Variants in AP3B1 observed in about 807,000 individuals in gnomAD.
AP3B1 encodes the protein AP-3 complex subunit beta-1.
In AP3B1, 61 loss-of-function variants were observed where a neutral mutation model predicts 132.5. The ratio of observed to expected loss-of-function variants is 0.46; its 90% CI spans 0.37 to 0.57. The LOEUF is 0.57. Ranked by LOEUF, AP3B1 falls within the 20% of genes least tolerant of loss-of-function variation. The probability of loss-of-function intolerance (pLI) is 0.00; values close to 1 mark genes in which losing one functional copy is unlikely to be tolerated. For synonymous variants in AP3B1, 388 were observed against 438.3 expected (o/e 0.89, Z 1.43); for missense variants, 1,120 against 1,289.4 (o/e 0.87, Z 2.01).
intron 1 of AP3B1, among the ~76,000 whole-genome samples, chr5:78,291,060 G>A (rs28535505): frequency 0.22 from 33,773 of 152,014 alleles, 4,467 homozygotes; most frequent in Middle Eastern, 0.3. Flanking sequence ...AATAAATTAG[G>A]TATAGGATCT....
At chr5:78,136,913 A>T (rs934750323) in intron 15 of AP3B1, among the ~76,000 whole-genome samples, 3 of 152,194 alleles carry the variant, frequency 2.0e-5, no homozygotes, top group African/African-American at 7.2e-5. Flanking sequence ...TTTACAGATG[A>T]GAAAATGAAA....
In AP3B1 at chr5:78,230,372, T is replaced by C. The variant is rs560141415; in HGVS notation, c.280-2133A>G. On this transcript the variant is annotated intron_variant, in intron 3 of 26. Coordinates refer to ENST00000255194, the MANE Select transcript of AP3B1 (RefSeq NM_003664.5). ...AAACAAACTTTGTACATCTTCATCA[T>C]TGATAAATATGTTAAACACAACCAT... Among the ~76,000 whole-genome samples, 35 of 152,096 alleles carry C rather than the reference T, an allele frequency of 2.3e-4. 1 individual carries two copies. The South Asian group carries it at 6.2e-3, about 27-fold the overall frequency.
chr5:78,103,610 G>T (rs1433817755), intron 20 of AP3B1, among the ~76,000 whole-genome samples: 2 of 152,044 alleles, frequency 1.3e-5, no homozygotes, highest in African/African-American at 4.8e-5. Context: ...TTAAATAGAG[G>T]ATTAGGCTTT....
chr5:78,274,441 A>C (rs2112572424), intron 1 of AP3B1, among the ~76,000 whole-genome samples: 1 of 151,860 alleles, frequency 6.6e-6, no homozygotes, highest in South Asian at 2.1e-4. Context: ...TTAGAGTTCC[A>C]AAGAGAAAAG....
At chr5:78,072,233 T>C (rs1224221008) in intron 22 of AP3B1, among the ~76,000 whole-genome samples, 1 of 152,228 alleles carries the variant, frequency 6.6e-6, no homozygotes, top group African/African-American at 2.4e-5. Context: ...GCAAATTCCA[T>C]GTATTATTTC....
At chr5:78,070,952 T>C (rs1028684915) in intron 22 of AP3B1, among the ~76,000 whole-genome samples, 40 of 152,222 alleles carry the variant, frequency 2.6e-4, no homozygotes, top group Middle Eastern at 3.2e-3. Context: ...GCTTTTACAC[T>C]GTTGGTGGAA....
intron 22 of AP3B1, among the ~76,000 whole-genome samples, chr5:78,059,515 A>G (rs548113202): frequency 7.9e-5 from 12 of 152,076 alleles, no homozygotes; most frequent in African/African-American, 2.9e-4. Flanking sequence ...TATGCATGCA[A>G]CTTTTTCAAT....
At chr5:78,008,437 GA>G (rs1377036416) in intron 26 of AP3B1, among the ~76,000 whole-genome samples, 8 of 152,186 alleles carry the variant, frequency 5.3e-5, no homozygotes, top group Non-Finnish European at 1.2e-4. Context: ...GGTTACTTCT[GA>G]AATATCCAAA....
intron 22 of AP3B1, among the ~76,000 whole-genome samples, chr5:78,045,924 G>GT (rs1334913791): frequency 6.6e-6 from 1 of 152,198 alleles, no homozygotes; most frequent in Non-Finnish European, 1.5e-5. Flanking sequence ...TTTTTAAAAA[G>GT]TATCACTGGA....
At chr5:78,271,193 G>A (rs571673341) in intron 1 of AP3B1, among the ~76,000 whole-genome samples, 34 of 152,224 alleles carry the variant, frequency 2.2e-4, no homozygotes, top group African/African-American at 6.5e-4. Context: ...AGGCTGAGGC[G>A]AGAGGATCAC....
intron 7 of AP3B1, among the ~76,000 whole-genome samples, chr5:78,183,685 C>T (rs1207714927): frequency 6.6e-6 from 1 of 151,932 alleles, no homozygotes; most frequent in African/African-American, 2.4e-5. Context: ...GCCTGGCCAA[C>T]ATGGCGAAAC....
At chr5:78,007,591 G>T (rs563658449) in intron 26 of AP3B1, among the ~76,000 whole-genome samples, 1 of 152,104 alleles carries the variant, frequency 6.6e-6, no homozygotes, top group Middle Eastern at 3.2e-3. Flanking sequence ...TAATGAAGTC[G>T]CACGATCATT....
At chr5:78,027,228 A>G (rs1178148518) in intron 24 of AP3B1, among the ~76,000 whole-genome samples, 1 of 151,904 alleles carries the variant, frequency 6.6e-6, no homozygotes, top group Non-Finnish European at 1.5e-5. Flanking sequence ...AGTTTTTTAT[A>G]ATTAAATAAT....
chr5:78,142,058 A>G (rs1023625644), intron 14 of AP3B1, among the ~76,000 whole-genome samples: 1 of 152,218 alleles, frequency 6.6e-6, no homozygotes, highest in Non-Finnish European at 1.5e-5. Flanking sequence ...TCAAACTGAT[A>G]AGATCATCAA....
intron 17 of AP3B1, among the ~76,000 whole-genome samples, chr5:78,123,963 G>A (rs569712131): frequency 2.0e-5 from 3 of 152,238 alleles, no homozygotes; most frequent in Non-Finnish European, 2.9e-5. Flanking sequence ...GTCCAACAAC[G>A]ACAGACTGGA....
At chr5:78,096,491 G>T (rs1170756299) in intron 21 of AP3B1, among the ~76,000 whole-genome samples, 2 of 150,820 alleles carry the variant, frequency 1.3e-5, no homozygotes, top group African/African-American at 4.9e-5. Flanking sequence ...GATGTGAGGA[G>T]CCCCTCTGCC....
chr5:78,217,357 TTTA>T (rs1200818405), intron 6 of AP3B1, among the ~76,000 whole-genome samples: 5 of 152,142 alleles, frequency 3.3e-5, no homozygotes, highest in African/African-American at 4.8e-5. Context: ...CTGTGGGGAT[TTTA>T]TGAATTACCA....
At chr5:78,069,468 G>A (rs1276613836) in intron 22 of AP3B1, among the ~76,000 whole-genome samples, 1 of 150,994 alleles carries the variant, frequency 6.6e-6, no homozygotes, top group Non-Finnish European at 1.5e-5. Context: ...CAGAAAAGCA[G>A]AGGGCCAAAT....
intron 22 of AP3B1, chr5:78,043,451 CT>C: frequency 4.5e-6 from 1 of 224,420 alleles, no homozygotes; most frequent in Non-Finnish European, 9.6e-6. Context: ...TCTTTCTCAC[CT>C]TTCTCTTCCT....
Sources: gnomAD v4.1 joint callset for allele counts (sites outside exome capture counted in the v4.1 genomes callset) on GRCh38, gnomAD v4.1.1 for gene constraint, MANE v1.5 for transcripts, NCBI Gene and HGNC (gene_info 2026-07-23, HGNC 2026-07-21) for gene names.